Variants in FILIP1L observed in about 807,000 individuals in gnomAD.
The protein encoded by FILIP1L is filamin A-interacting protein 1-like.
Under a neutral mutation model 96.6 loss-of-function variants are expected in FILIP1L, and 55 were observed. The ratio of observed to expected loss-of-function variants is 0.57; its 90% confidence interval spans 0.46 to 0.71. The LOEUF (loss-of-function observed/expected upper bound fraction) is 0.71, where lower values mean the gene tolerates loss of function less well. Ranked by LOEUF, FILIP1L falls within the 30% of genes least tolerant of loss-of-function variation. The probability of loss-of-function intolerance (pLI) is 0.00; values close to 1 mark genes in which losing one functional copy is unlikely to be tolerated. For synonymous variants in FILIP1L, 467 were observed against 473.9 expected (o/e 0.99, Z 0.19); for missense variants, 1,304 against 1,321.2 (o/e 0.99, Z 0.20).
At chr3:99,903,990 C>A (rs1706528237) in intron 4 of FILIP1L, among the ~76,000 whole-genome samples, 1 of 152,210 alleles carries the variant, frequency 6.6e-6, no homozygotes, top group South Asian at 2.1e-4. Context: ...TAAGCAAGAT[C>A]TCTGGCCAGG....
intron 4 of FILIP1L, among the ~76,000 whole-genome samples, chr3:99,907,171 A>C (rs557693443): frequency 2.6e-5 from 4 of 152,212 alleles, no homozygotes; most frequent in Admixed American, 1.3e-4. Context: ...TTGTACTCTT[A>C]ATACTTTGTC....
intron 4 of FILIP1L, among the ~76,000 whole-genome samples, chr3:99,894,310 G>A (rs968718208): frequency 6.6e-6 from 1 of 152,228 alleles, no homozygotes; most frequent in Non-Finnish European, 1.5e-5. Context: ...GAGTTCAGGT[G>A]AAGATCTGCC....
rs374276746 is a variant in FILIP1L, at chr3:99,870,449, T to C, written c.606-19379A>G. On this transcript the variant is annotated intron_variant, in intron 4 of 5. Coordinates refer to ENST00000477258, the MANE Select transcript of FILIP1L (RefSeq NM_001387850.1). Reference sequence around the variant, plus strand: ...GTGTAGCTGATCTCTCCTACCTTCATTGCATTACCAGTCAATTAAAATAGA... The same window carrying C: ...GTGTAGCTGATCTCTCCTACCTTCACTGCATTACCAGTCAATTAAAATAGA... 3.8e-4 allele frequency among the ~76,000 whole-genome samples: 58 copies of C among 152,332 alleles called. 1 individual carries two copies. The South Asian group carries it at 0.011, about 30-fold the overall frequency.
intron 1 of FILIP1L, among the ~76,000 whole-genome samples, chr3:100,001,684 T>A (rs1294702073): frequency 6.6e-6 from 1 of 152,130 alleles, no homozygotes; most frequent in African/African-American, 2.4e-5. Flanking sequence ...TTCTTTCCTC[T>A]CCCAAAAGAA....
At chr3:100,092,709 T>C (rs13323143) in intron 1 of FILIP1L, among the ~76,000 whole-genome samples, 26,958 of 148,316 alleles carry the variant, frequency 0.18, 2,825 homozygotes, top group South Asian at 0.24. Context: ...GTTCTCCCTT[T>C]AGAGAAAAAA....
Position 99,930,939 on chromosome 3 carries a change from G to T in FILIP1L, c.82C>A (p.Pro28Thr). The T allele has an allele frequency of 1.9e-6, 3 of 1,613,632 alleles. No individual in the cohort carries two copies. Among genetic ancestry groups the T allele is most frequent in the Non-Finnish European group, 2.5e-6 (3 of 1,179,906 alleles). The change falls in exon 2 of 6, where the codon CCT becomes ACT. Residue 28 changes from proline (P) to threonine (T), a missense_variant. Transcript: ENST00000477258. The part of the protein sequence containing the change: ...RHTKGHSFQG[P>T]KNMKHRQQDK... ...TGCTGTCTATGCTTCATGTTTTTAG[G>T]CCCTTGGAAACTGTGGCCTTTAGTA...
intron 5 of FILIP1L, among the ~76,000 whole-genome samples, chr3:99,839,474 G>T (rs932794496): frequency 6.6e-6 from 1 of 152,150 alleles, no homozygotes; most frequent in Admixed American, 6.5e-5. Flanking sequence ...CAGCTTCTCA[G>T]AGAGGACCTT....
At chr3:100,063,494 A>T (rs946818992) in intron 1 of FILIP1L, among the ~76,000 whole-genome samples, 1 of 151,906 alleles carries the variant, frequency 6.6e-6, no homozygotes, top group Non-Finnish European at 1.5e-5. Context: ...AATTTACTTT[A>T]AAAAAAAGAA....
intron 5 of FILIP1L, among the ~76,000 whole-genome samples, chr3:99,837,704 T>C (rs984223262): frequency 3.3e-5 from 5 of 152,218 alleles, no homozygotes; most frequent in Non-Finnish European, 5.9e-5. Flanking sequence ...AGATACATAG[T>C]GATTATTTCT....
intron 1 of FILIP1L, among the ~76,000 whole-genome samples, chr3:99,987,882 C>T (rs1399253472): frequency 1.3e-5 from 2 of 152,134 alleles, no homozygotes; most frequent in African/African-American, 4.8e-5. Flanking sequence ...AACAATAATG[C>T]ACATAGTTCT....
intron 1 of FILIP1L, among the ~76,000 whole-genome samples, chr3:99,966,561 A>G (rs1415076510): frequency 6.6e-6 from 1 of 152,190 alleles, no homozygotes; most frequent in Non-Finnish European, 1.5e-5. Context: ...AACTTTATAA[A>G]CATTCAACAA....
At chr3:99,924,090 A>T in intron 4 of FILIP1L, 140 bp downstream of exon 4, 1 of 744,254 alleles carries the variant, frequency 1.3e-6, no homozygotes, top group African/African-American at 1.7e-5. Flanking sequence ...GTCTTCAAAC[A>T]TATCCTTTTC....
intron 4 of FILIP1L, among the ~76,000 whole-genome samples, chr3:99,899,223 A>G (rs1475441393): frequency 6.6e-6 from 1 of 152,226 alleles, no homozygotes; most frequent in Non-Finnish European, 1.5e-5. Flanking sequence ...TTTGCATCAT[A>G]TAAAGAGTCT....
At chr3:100,010,512 G>A (rs897541532) in intron 1 of FILIP1L, among the ~76,000 whole-genome samples, 3 of 152,028 alleles carry the variant, frequency 2.0e-5, no homozygotes, top group African/African-American at 7.2e-5. Context: ...CCAACTAAGA[G>A]CAGTGACTTC....
chr3:100,034,937 A>G (rs977371682), intron 1 of FILIP1L, among the ~76,000 whole-genome samples: 4 of 152,176 alleles, frequency 2.6e-5, no homozygotes, highest in African/African-American at 4.8e-5. Context: ...TGTTTTGACT[A>G]TCAGTTGTTT....
intron 1 of FILIP1L, among the ~76,000 whole-genome samples, chr3:100,050,383 A>G (rs1416222600): frequency 1.3e-5 from 2 of 152,208 alleles, no homozygotes; most frequent in Admixed American, 1.3e-4. Context: ...CTCAGTATGA[A>G]AATTTTAAAT....
At chr3:99,963,225 C>G (rs1183233960) in intron 1 of FILIP1L, among the ~76,000 whole-genome samples, 1 of 152,182 alleles carries the variant, frequency 6.6e-6, no homozygotes, top group Non-Finnish European at 1.5e-5. Context: ...GGTATAGTTG[C>G]CCCAGAATAG....
chr3:99,976,772 C>A (rs1708984800), intron 1 of FILIP1L, among the ~76,000 whole-genome samples: 1 of 151,992 alleles, frequency 6.6e-6, no homozygotes, highest in African/African-American at 2.4e-5. Context: ...GTTTCTTGGA[C>A]CTGTGGTTTG....
At chr3:99,967,298 G>A (rs1276862790) in intron 1 of FILIP1L, among the ~76,000 whole-genome samples, 1 of 152,182 alleles carries the variant, frequency 6.6e-6, no homozygotes, top group African/African-American at 2.4e-5. Context: ...TTAGAGGATA[G>A]TGTTGGTAAT....
Sources: gnomAD v4.1 joint callset for allele counts (sites outside exome capture counted in the v4.1 genomes callset) on GRCh38, gnomAD v4.1.1 for gene constraint, MANE v1.5 for transcripts, NCBI Gene and HGNC (gene_info 2026-07-23, HGNC 2026-07-21) for gene names.